Variants in MYO18A observed in about 807,000 individuals in gnomAD.
MYO18A encodes the protein unconventional myosin-XVIIIa.
Under a neutral mutation model 235.8 loss-of-function variants are expected in MYO18A, and 78 were observed. That is an observed-to-expected ratio of 0.33 (90% CI 0.28 to 0.40). The LOEUF (loss-of-function observed/expected upper bound fraction) is 0.40. Among genes scored for constraint, MYO18A ranks in the 10% least tolerant of loss-of-function variants. The probability of loss-of-function intolerance (pLI) is 1.00; values close to 1 mark genes in which losing one functional copy is unlikely to be tolerated. For missense variants in MYO18A, 2,215 were observed against 2,699.3 expected (o/e 0.82, Z 3.98); for synonymous variants, 977 against 1,077.8 (o/e 0.91, Z 1.83).
At chr17:29,129,907 G>C (rs2067421726) in intron 2 of MYO18A, among the ~76,000 whole-genome samples, 1 of 152,204 alleles carries the variant, frequency 6.6e-6, no homozygotes, top group South Asian at 2.1e-4. Flanking sequence ...TGGCATGCCA[G>C]GGCACTGCAG....
chr17:29,177,450 GA>G (rs1048481630), intron 1 of MYO18A, among the ~76,000 whole-genome samples: 10 of 152,110 alleles, frequency 6.6e-5, no homozygotes, highest in Admixed American at 6.5e-4. Context: ...GAAGGGCAGG[GA>G]AGTGAAGGTG....
intron 14 of MYO18A, 106 bp downstream of exon 14, chr17:29,114,801 G>A (rs1005977082): frequency 1.6e-6 from 2 of 1,226,214 alleles, no homozygotes; most frequent in African/African-American, 3.0e-5. Context: ...AGCGCAGGAG[G>A]ACAGAAATGG....
intron 2 of MYO18A, among the ~76,000 whole-genome samples, chr17:29,149,254 C>T (rs887136422): frequency 2.0e-5 from 3 of 152,220 alleles, no homozygotes; most frequent in Non-Finnish European, 2.9e-5. Context: ...CCGCTCTATC[C>T]CCAGAACCTA....
intron 2 of MYO18A, chr17:29,128,275 G>A (rs2067375082): frequency 8.5e-7 from 1 of 1,179,422 alleles, no homozygotes; most frequent in African/African-American, 1.6e-5. Flanking sequence ...CGGGGGACTT[G>A]ACTCCTCTGC....
chr17:29,121,334 G>C lies in MYO18A; in HGVS notation c.1372-123C>G. ...TCCTGTAGTGCCCAGGGATTCCAAG[G>C]CCAAGGCCATGCATGGAAATGAAGA... On this transcript the variant is annotated intron_variant, in intron 5 of 41. Coordinates refer to ENST00000527372, the MANE Select transcript of MYO18A (RefSeq NM_078471.4). This position sits in a 1 kb window ranked among gnomAD's most constrained non-coding sequence, Gnocchi z 4.2. 1 of 1,204,024 alleles carries C rather than the reference G, an allele frequency of 8.3e-7. No individual in the cohort carries two copies. Among genetic ancestry groups the C allele is most frequent in the Non-Finnish European group, 1.2e-6 (1 of 857,836 alleles). The allele number at this position is 1,204,024 out of a possible 1,614,324, so 74.6% of individuals were successfully genotyped here. A position where few individuals can be genotyped will look rare whatever the true frequency, so the allele number is the denominator to read the frequency against.
At chr17:29,150,409 A>AT (rs1326432981) in intron 2 of MYO18A, among the ~76,000 whole-genome samples, 2 of 152,352 alleles carry the variant, frequency 1.3e-5, no homozygotes, top group East Asian at 3.9e-4. Context: ...GCGCTGCCCC[A>AT]GTTGTGGTGG....
intron 28 of MYO18A, among the ~76,000 whole-genome samples, chr17:29,095,784 A>C (rs1806197114): frequency 6.6e-6 from 1 of 152,148 alleles, no homozygotes; most frequent in African/African-American, 2.4e-5. Context: ...CCCCAACTCC[A>C]CATCAAAAAA....
chr17:29,096,897 C>A lies in MYO18A; in HGVS notation c.4249G>T (p.Asp1417Tyr), dbSNP rs752481762. The change falls in exon 28 of 42, where the codon GAT (aspartate) becomes TAT (tyrosine). Residue 1417 changes from aspartate (D) to tyrosine (Y), a missense_variant. Asp to Tyr is a radical substitution (Grantham distance 160, BLOSUM62 -3). Coordinates refer to ENST00000527372, the MANE Select transcript of MYO18A (RefSeq NM_078471.4). The stretch of plus-strand genomic sequence containing the variant: ...AGAGCCCGCTGACTCTCCTCACTAT[C>A]TGCCTGCAGGTCCCCGAGCTAGGGG... ...LERRLGDLQA[D>Y]SEESQRALQQ... 6.3e-7 allele frequency: 1 copy of A among 1,575,424 alleles called. No homozygotes were observed. The highest frequency in any genetic ancestry group is 8.6e-7 in the Non-Finnish European group (1 of 1,161,644).
At chr17:29,115,251 T>C in intron 13 of MYO18A, 100 bp downstream of exon 13, 2 of 1,469,348 alleles carry the variant, frequency 1.4e-6, no homozygotes, top group Non-Finnish European at 1.9e-6. Flanking sequence ...AGGGAGCCCC[T>C]GCTGGAAGAG....
intron 2 of MYO18A, among the ~76,000 whole-genome samples, chr17:29,148,089 AAGATACC>A (rs1234997160): frequency 6.6e-6 from 1 of 151,900 alleles, no homozygotes; most frequent in Non-Finnish European, 1.5e-5. Flanking sequence ...AAAGTAAGGA[AAGATACC>A]AAGGTTTAAA....
chr17:29,090,163 G>A, intron 36 of MYO18A, 65 bp from the exon 37 acceptor site: 1 of 1,544,832 alleles, frequency 6.5e-7, no homozygotes. Flanking sequence ...CTGCGTCTGG[G>A]GCAGGCAATA....
In MYO18A at chr17:29,097,781, G is replaced by T; in HGVS notation, c.4102+7C>A. ...CCACTGCCGAGCTCCTTGGGCCTCA[G>T]GCCCACCTGCATCATCATCATCCAC... On this transcript the variant is annotated splice_region_variant and intron_variant, in intron 26 of 41. Coordinates refer to ENST00000527372, the MANE Select transcript of MYO18A (RefSeq NM_078471.4). 1.2e-6 allele frequency: 2 copies of T among 1,608,210 alleles called. No homozygotes were observed. Among genetic ancestry groups the T allele is most frequent in the South Asian group, 2.2e-5 (2 of 89,810 alleles).
rs8070142 is a variant in MYO18A at position 29,129,990 on chromosome 17, T to A, written c.1000-7737A>T. On this transcript the variant is annotated intron_variant, in intron 2 of 41. Coordinates refer to ENST00000527372, the MANE Select transcript of MYO18A (RefSeq NM_078471.4). ...TCTTCTGGCTTTCCTCCCATCCCCC[T>A]TCCATCATTAAGATGATGACGATGG... Among the ~76,000 whole-genome samples the A allele has an allele frequency of 4.6e-5, 7 of 151,996 alleles. No individual in the cohort carries two copies. In the East Asian group the frequency reaches 1.2e-3, roughly 25 times the overall value.
intron 41 of MYO18A, chr17:29,080,576 G>A (rs2066095245): frequency 2.0e-6 from 2 of 985,896 alleles, no homozygotes; most frequent in Non-Finnish European, 2.4e-6. Flanking sequence ...GTGCTGCGGC[G>A]GGAACCGGGC....
intron 1 of MYO18A, among the ~76,000 whole-genome samples, chr17:29,169,484 G>T (rs2068354059): frequency 6.6e-6 from 1 of 152,138 alleles, no homozygotes; most frequent in South Asian, 2.1e-4. Flanking sequence ...AGGAGTACCT[G>T]ACAGCCAGCA....
Position 29,087,065 on chromosome 17 carries a change from C to G in MYO18A, c.5583G>C (p.Gln1861His), listed in dbSNP as rs753928631. ...NMEKLTEERD[Q>H]RIAAENREKE... ...TCTCCCGGTTCTCGGCTGCAATGCG[C>G]TGATCCCGCTCCTCAGTCAGCTTCT... Residue 1861 changes from glutamine to histidine, a missense_variant, in exon 38 of 42, where the codon CAG becomes CAC. Coordinates refer to ENST00000527372, the MANE Select transcript of MYO18A (RefSeq NM_078471.4). The G allele has an allele frequency of 1.9e-5, 30 of 1,613,914 alleles. No individual in the cohort carries two copies. Among genetic ancestry groups the G allele is most frequent in the Non-Finnish European group, 2.5e-5 (30 of 1,179,900 alleles).
intron 10 of MYO18A, 131 bp from the exon 11 acceptor site, chr17:29,116,586 A>G: frequency 1.2e-6 from 1 of 825,956 alleles, no homozygotes; most frequent in African/African-American, 2.1e-5. Flanking sequence ...GCAAGAAAAC[A>G]CAACCACAGT....
rs193054499 is a variant in MYO18A, at chr17:29,138,997, A to G, written c.1000-16744T>C. On this transcript the variant is annotated intron_variant, in intron 2 of 41. Transcript: ENST00000527372. ...GAGAGGAAGGGAAGCTCTCTAAGGAATGAACTGAAGGCCATGCTGCCAGAC... is the reference window on the plus strand; with the variant it reads ...GAGAGGAAGGGAAGCTCTCTAAGGAGTGAACTGAAGGCCATGCTGCCAGAC... 3.1e-3 allele frequency among the ~76,000 whole-genome samples: 477 copies of G among 152,318 alleles called. 1 individual carries two copies. The highest frequency in any genetic ancestry group is 4.4e-3 in the Non-Finnish European group (301 of 68,034).
At chr17:29,090,430 G>T in intron 36 of MYO18A, 102 bp downstream of exon 36, 1 of 1,009,932 alleles carries the variant, frequency 9.9e-7, no homozygotes, top group Non-Finnish European at 1.5e-6. Flanking sequence ...GTGGATTACT[G>T]ATGGCAGAGA....
Sources: allele counts gnomAD v4.1 joint callset (sites outside exome capture counted in the v4.1 genomes callset), GRCh38; gene constraint gnomAD v4.1.1; non-coding constraint Gnocchi (gnomAD v3.1); transcripts MANE v1.5; gene names NCBI Gene and HGNC (gene_info 2026-07-23, HGNC 2026-07-21).